The following SEC23B variants were observed in gnomAD, a reference collection of about 807,000 sequenced individuals.
SEC23B encodes the protein protein transport protein Sec23B.
In SEC23B, 77 loss-of-function variants were observed where a neutral mutation model predicts 104.3. The observed-to-expected ratio is 0.74, with a 90% CI of 0.61 to 0.89. The LOEUF (loss-of-function observed/expected upper bound fraction) is 0.89, where lower values mean the gene tolerates loss of function less well. Among genes scored for constraint, SEC23B ranks in the 40% least tolerant of loss-of-function variants. SEC23B has a pLI of 0.00. For missense variants in SEC23B, 885 were observed against 949.4 expected, an observed-to-expected ratio of 0.93 and a Z score of 0.89; for synonymous variants, 338 against 332.5, an observed-to-expected ratio of 1.02 and a Z score of -0.18.
intron 19 of SEC23B, among the ~76,000 whole-genome samples, chr20:18,555,993 C>T (rs186632250): frequency 1.9e-4 from 29 of 151,234 alleles, no homozygotes; most frequent in Middle Eastern, 3.4e-3. Context: ...TGACGGGAGA[C>T]GGTGACAGAT....
chr20:18,524,175 C>G (rs1316840499), intron 4 of SEC23B, among the ~76,000 whole-genome samples: 1 of 152,154 alleles, frequency 6.6e-6, no homozygotes, highest in Non-Finnish European at 1.5e-5. Flanking sequence ...CTGTGTGTCC[C>G]AGGACCTGAA....
chr20:18,509,064 A>G (rs1568594471), intron 1 of SEC23B, among the ~76,000 whole-genome samples: 1 of 152,188 alleles, frequency 6.6e-6, no homozygotes, highest in Non-Finnish European at 1.5e-5. Flanking sequence ...AGAGACGGTT[A>G]TTTAATGAAA....
intron 10 of SEC23B, among the ~76,000 whole-genome samples, chr20:18,531,948 CTCA>C (rs1256251801): frequency 6.6e-6 from 1 of 152,050 alleles, no homozygotes; most frequent in Non-Finnish European, 1.5e-5. Context: ...GTTCCAGCTA[CTCA>C]GGAGGCTGAG....
At chr20:18,537,043 C>G (rs1237265552) in intron 12 of SEC23B, among the ~76,000 whole-genome samples, 1 of 152,128 alleles carries the variant, frequency 6.6e-6, no homozygotes, top group Non-Finnish European at 1.5e-5. Flanking sequence ...ATAAGTGGAC[C>G]TGTACAGTTC....
rs148000998 is a variant in SEC23B, at chr20:18,513,548, A to G, written c.279+1266A>G. On this transcript the variant is annotated intron_variant, in intron 3 of 19. Coordinates refer to ENST00000650089, the MANE Select transcript of SEC23B (RefSeq NM_006363.6). ...GTGTACACTGTTCTAACAGATCTTAAGCTCTTCACATGCATTCGTTCATAT... is the reference window on the plus strand; with the variant it reads ...GTGTACACTGTTCTAACAGATCTTAGGCTCTTCACATGCATTCGTTCATAT... Among the ~76,000 whole-genome samples, 172 of 152,348 alleles carry G rather than the reference A, an allele frequency of 1.1e-3. 7 individuals carry two copies. In the East Asian group the frequency reaches 0.032, roughly 28 times the overall value.
chr20:18,514,861 C>T (rs1454135815), intron 3 of SEC23B, among the ~76,000 whole-genome samples: 1 of 152,114 alleles, frequency 6.6e-6, no homozygotes, highest in Admixed American at 6.5e-5. Flanking sequence ...CTGGACTTGC[C>T]AATTTTTCTA....
chr20:18,557,121 G>C (rs529109462), intron 19 of SEC23B, among the ~76,000 whole-genome samples: 1 of 152,284 alleles, frequency 6.6e-6, no homozygotes, highest in Admixed American at 6.5e-5. Context: ...TTAATGATAT[G>C]TTAGGGCTTA....
chr20:18,556,977 C>CA (rs765883545), intron 19 of SEC23B, among the ~76,000 whole-genome samples: 5 of 152,186 alleles, frequency 3.3e-5, no homozygotes, highest in Non-Finnish European at 7.3e-5. Flanking sequence ...GCCTGGGCAA[C>CA]AGAGCAAGAC....
intron 16 of SEC23B, among the ~76,000 whole-genome samples, chr20:18,550,686 G>A (rs1311404075): frequency 2.0e-5 from 3 of 152,090 alleles, no homozygotes; most frequent in South Asian, 2.1e-4. Flanking sequence ...TTAGTTGGGC[G>A]TGGTGGCATG....
intron 16 of SEC23B, among the ~76,000 whole-genome samples, chr20:18,550,248 AG>A (rs900150682): frequency 6.6e-6 from 1 of 151,850 alleles, no homozygotes; most frequent in Admixed American, 6.6e-5. Context: ...TCCGCCTTCC[AG>A]GTTCAGGTGA....
At chr20:18,509,013 G>C (rs966233253) in intron 1 of SEC23B, among the ~76,000 whole-genome samples, 4 of 152,174 alleles carry the variant, frequency 2.6e-5, no homozygotes, top group Non-Finnish European at 4.4e-5. Context: ...GAGCCACCGC[G>C]CCCGGCCGCC....
At chr20:18,516,551 CT>C (rs1242303509) in intron 4 of SEC23B, among the ~76,000 whole-genome samples, 92 of 130,984 alleles carry the variant, frequency 7.0e-4, no homozygotes, top group Middle Eastern at 3.8e-3. Flanking sequence ...TTTTCTTTTT[CT>C]TTTTTTTTTT....
Position 18,560,839 on chromosome 20 carries a change from C to A in SEC23B, c.*99C>A. 1 of 882,134 alleles carries A rather than the reference C, an allele frequency of 1.1e-6. No individual in the cohort carries two copies. Among genetic ancestry groups the A allele is most frequent in the Non-Finnish European group, 1.9e-6 (1 of 519,188 alleles). 54.6% of individuals were successfully genotyped at this position (882,134 alleles called of 1,614,324 possible). A position where few individuals can be genotyped will look rare whatever the true frequency, so the allele number is the denominator to read the frequency against. On this transcript the variant is annotated 3_prime_UTR_variant, in exon 20 of 20. Transcript: ENST00000650089. ...CTGTTACTTTTCTAGCAGATTTTAA[C>A]AAATAATCAAGGACATTTTATATGT...
At chr20:18,557,497 C>T (rs924844510) in intron 19 of SEC23B, among the ~76,000 whole-genome samples, 5 of 152,086 alleles carry the variant, frequency 3.3e-5, no homozygotes, top group Non-Finnish European at 7.4e-5. Context: ...GGTGTTCAAG[C>T]GAAGTCTAGA....
intron 8 of SEC23B, 65 bp from the exon 9 acceptor site, chr20:18,527,431 G>C: frequency 1.1e-6 from 1 of 888,696 alleles, no homozygotes; most frequent in Non-Finnish European, 1.9e-6. Context: ...ACCTCCTTCG[G>C]TAATTCAGGC....
intron 4 of SEC23B, among the ~76,000 whole-genome samples, chr20:18,519,630 A>G (rs2060064963): frequency 6.6e-6 from 1 of 150,626 alleles, no homozygotes; most frequent in Non-Finnish European, 1.5e-5. Context: ...AGTTAGGGAG[A>G]CTAGTGTGGG....
rs563671896 is a variant in SEC23B at position 18,507,944 on chromosome 20, C to G, written c.-43C>G. ...GGTGGGAGCCGGAGCCTGCTTGTTG[C>G]AGCTGTGGGTGAGGACGGCTCTAGC... On this transcript the variant is annotated 5_prime_UTR_variant, in exon 1 of 20. Transcript: ENST00000650089. 6.5e-6 allele frequency: 1 copy of G among 152,684 alleles called. No homozygotes were observed. Among genetic ancestry groups the G allele is most frequent in the African/African-American group, 2.4e-5 (1 of 41,466 alleles). 9.5% of individuals were successfully genotyped at this position (152,684 alleles called of 1,614,324 possible). A position where few individuals can be genotyped will look rare whatever the true frequency, so the allele number is the denominator to read the frequency against.
chr20:18,557,405 G>T (rs1189007859), intron 19 of SEC23B, among the ~76,000 whole-genome samples: 4 of 152,094 alleles, frequency 2.6e-5, no homozygotes, highest in African/African-American at 9.7e-5. Context: ...CTCCCAAAGT[G>T]CTGGGATTAT....
chr20:18,525,801 G>A lies in SEC23B; in HGVS notation c.703G>A (p.Val235Ile), dbSNP rs779433413. 1 of 1,614,160 alleles carries A rather than the reference G, an allele frequency of 6.2e-7. No individual in the cohort carries two copies. Among genetic ancestry groups the A allele is most frequent in the Non-Finnish European group, 8.5e-7 (1 of 1,180,022 alleles). Residue 235 changes from valine (V) to isoleucine (I), a missense_variant, in exon 7 of 20, where the codon GTT (valine) becomes ATT (isoleucine). Transcript: ENST00000650089. Reference protein sequence around the residue: ...PFASSRFLQPVHKIDMNLTDL... With the variant: ...PFASSRFLQPIHKIDMNLTDL... The stretch of plus-strand genomic sequence containing the variant: ...AAAATCTTGCAGATTTCTGCAGCCT[G>A]TTCACAAGATTGATATGAACCTCAC...
Sources: gnomAD v4.1 joint callset for allele counts (sites outside exome capture counted in the v4.1 genomes callset) on GRCh38, gnomAD v4.1.1 for gene constraint, MANE v1.5 for transcripts, NCBI Gene and HGNC (gene_info 2026-07-23, HGNC 2026-07-21) for gene names.